PTPRT: variants seen among roughly 807,000 people sequenced by gnomAD.
PTPRT encodes the protein receptor-type tyrosine-protein phosphatase T.
A neutral mutation model predicts 176.8 loss-of-function variants in PTPRT; 56 were observed. That is an observed-to-expected ratio of 0.32 (90% confidence interval 0.26 to 0.40). The LOEUF (loss-of-function observed/expected upper bound fraction) is 0.40. Ranked by LOEUF, PTPRT falls within the 10% of genes least tolerant of loss-of-function variation. The probability of loss-of-function intolerance (pLI) is 1.00; values close to 1 mark genes in which losing one functional copy is unlikely to be tolerated. For synonymous variants in PTPRT, 783 were observed against 739.0 expected (o/e 1.06, Z -0.96); for missense variants, 1,540 against 1,908.2 (o/e 0.81, Z 3.60).
chr20:43,072,825 T>C (rs1424737306), intron 1 of PTPRT, among the ~76,000 whole-genome samples: 2 of 152,206 alleles, frequency 1.3e-5, no homozygotes, highest in Non-Finnish European at 2.9e-5. Flanking sequence ...ATCCTCTAAG[T>C]GGAGTGTGTG....
chr20:42,148,647 G>A (rs1600590703), intron 17 of PTPRT, among the ~76,000 whole-genome samples: 1 of 152,180 alleles, frequency 6.6e-6, no homozygotes, highest in South Asian at 2.1e-4. Context: ...GGCACTCACA[G>A]GTAGGCCTTG....
intron 7 of PTPRT, among the ~76,000 whole-genome samples, chr20:42,636,432 C>T (rs1023737183): frequency 6.6e-6 from 1 of 151,932 alleles, no homozygotes; most frequent in Non-Finnish European, 1.5e-5. Context: ...AGAAGCAAAC[C>T]TTTGGTGAAG....
intron 1 of PTPRT, among the ~76,000 whole-genome samples, chr20:42,949,010 C>T (rs1439141650): frequency 8.5e-5 from 13 of 152,214 alleles, no homozygotes; most frequent in Admixed American, 8.5e-4. Flanking sequence ...CCATGTTGTC[C>T]TCATCCCACT....
rs189558084 is a variant in PTPRT at position 42,581,702 on chromosome 20, A to G, written c.1153+96164T>C. ...AAATAAAACATGGAATGAGACTATG[A>G]AAGGAGTTCTTGGGAAGAGAAAATT... On this transcript the variant is annotated intron_variant, in intron 7 of 30. Transcript: ENST00000373187. Among the ~76,000 whole-genome samples the G allele has an allele frequency of 8.7e-4, 132 of 152,318 alleles. 1 individual carries two copies. The highest frequency in any genetic ancestry group is 3.1e-3 in the African/African-American group (127 of 41,562).
intron 1 of PTPRT, among the ~76,000 whole-genome samples, chr20:43,127,283 C>A (rs1206910889): frequency 6.6e-6 from 1 of 151,828 alleles, no homozygotes. Flanking sequence ...ATTAGCCGGG[C>A]GTGGTGGTGG....
chr20:42,566,658 G>C (rs2073045187), intron 7 of PTPRT, among the ~76,000 whole-genome samples: 1 of 152,192 alleles, frequency 6.6e-6, no homozygotes, highest in African/African-American at 2.4e-5. Context: ...GAGGATGTAA[G>C]TCAGGGCTGC....
At chr20:42,884,479 C>G (rs2079072448) in intron 2 of PTPRT, among the ~76,000 whole-genome samples, 1 of 152,126 alleles carries the variant, frequency 6.6e-6, no homozygotes, top group African/African-American at 2.4e-5. Context: ...AAACCCCGTT[C>G]TCCAGAGGTA....
At chr20:43,136,681 C>T (rs993333741) in intron 1 of PTPRT, among the ~76,000 whole-genome samples, 5 of 152,126 alleles carry the variant, frequency 3.3e-5, no homozygotes, top group African/African-American at 1.2e-4. Context: ...ACCTCCACAC[C>T]CTTGGACCTA....
chr20:42,080,369 C>G lies in PTPRT; in HGVS notation c.*510G>C. The G allele has an allele frequency of 4.3e-6, 1 of 234,412 alleles. No homozygotes were observed. The highest frequency in any genetic ancestry group is 8.4e-6 in the Non-Finnish European group (1 of 119,078). 14.5% of individuals were successfully genotyped at this position (234,412 alleles called of 1,614,324 possible). On this transcript the variant is annotated 3_prime_UTR_variant, in exon 31 of 31. Coordinates refer to ENST00000373187, the MANE Select transcript of PTPRT (RefSeq NM_007050.6). ...CATCGTAAGGTCACACTGGTCCAGA[C>G]TGCAAATGTCTGGTGCCAGAGGCCC...
At chr20:42,441,766 G>A (rs2059318210) in intron 9 of PTPRT, among the ~76,000 whole-genome samples, 1 of 152,194 alleles carries the variant, frequency 6.6e-6, no homozygotes, top group African/African-American at 2.4e-5. Context: ...TGGGGGCAAC[G>A]GATGACGCTC....
chr20:42,075,254 G>A lies in PTPRT; in HGVS notation c.*5625C>T, dbSNP rs993650853. 4.6e-5 allele frequency: 11 copies of A among 236,660 alleles called. No homozygotes were observed. Among genetic ancestry groups the A allele is most frequent in the African/African-American group, 2.4e-4 (11 of 45,518 alleles). 14.7% of individuals were successfully genotyped at this position (236,660 alleles called of 1,614,324 possible). On this transcript the variant is annotated 3_prime_UTR_variant, in exon 31 of 31. Coordinates refer to ENST00000373187, the MANE Select transcript of PTPRT (RefSeq NM_007050.6). ...TTGAAGCTGGTCACAGGCTAAGAAG[G>A]AGCTCAGACTGTTAAGTAATGGGGA...
At position 42,623,072 on chromosome 20, in the gene PTPRT, C is replaced by T. The variant is rs562762519; in HGVS notation, c.1153+54794G>A. Among the ~76,000 whole-genome samples the T allele has an allele frequency of 2.0e-5, 3 of 152,324 alleles. No homozygotes were observed. In the East Asian group the frequency reaches 5.8e-4, roughly 29 times the overall value. On this transcript the variant is annotated intron_variant, in intron 7 of 30. Transcript: ENST00000373187. ...AAATCATCTTCCCACTCCATTCCCC[C>T]TCTAGCTCCCCATCCATCCCACGGA...
intron 1 of PTPRT, among the ~76,000 whole-genome samples, chr20:42,952,770 A>G (rs1357574159): frequency 6.6e-6 from 1 of 152,224 alleles, no homozygotes; most frequent in Middle Eastern, 3.2e-3. Flanking sequence ...AGAATGGGTT[A>G]CAAAGCAGGG....
intron 1 of PTPRT, among the ~76,000 whole-genome samples, chr20:42,955,336 C>A (rs1981558733): frequency 1.3e-5 from 2 of 152,116 alleles, no homozygotes; most frequent in Non-Finnish European, 2.9e-5. Flanking sequence ...CCCACAAGGT[C>A]CTGCATTAAA....
intron 1 of PTPRT, among the ~76,000 whole-genome samples, chr20:43,138,769 C>T (rs1471916381): frequency 6.6e-6 from 1 of 152,200 alleles, no homozygotes; most frequent in Admixed American, 6.5e-5. Context: ...TCCCCTGCCA[C>T]AGCCACACAT....
At chr20:42,124,428 CA>C (rs1987748791) in intron 19 of PTPRT, among the ~76,000 whole-genome samples, 1 of 152,214 alleles carries the variant, frequency 6.6e-6, no homozygotes, top group Non-Finnish European at 1.5e-5. Flanking sequence ...TAATTCATAA[CA>C]GATTTAAGTG....
intron 1 of PTPRT, among the ~76,000 whole-genome samples, chr20:42,907,504 G>A (rs1258321153): frequency 1.3e-5 from 2 of 151,896 alleles, no homozygotes; most frequent in Non-Finnish European, 2.9e-5. Context: ...TGGAGGACGC[G>A]ACACAATTTG....
At chr20:42,864,969 A>T (rs1296250896) in intron 2 of PTPRT, among the ~76,000 whole-genome samples, 1 of 152,216 alleles carries the variant, frequency 6.6e-6, no homozygotes, top group Non-Finnish European at 1.5e-5. Flanking sequence ...CATCACCCAG[A>T]AAAGAAAAAT....
chr20:42,565,574 C>T (rs1193756727), intron 7 of PTPRT, among the ~76,000 whole-genome samples: 1 of 152,106 alleles, frequency 6.6e-6, no homozygotes, highest in Non-Finnish European at 1.5e-5. Context: ...ACCACTTGCT[C>T]TTTTCAGGTA....
Sources: allele counts gnomAD v4.1 joint callset (sites outside exome capture counted in the v4.1 genomes callset), GRCh38; gene constraint gnomAD v4.1.1; transcripts MANE v1.5; gene names NCBI Gene and HGNC (gene_info 2026-07-23, HGNC 2026-07-21).